NCBP3: variants seen among roughly 807,000 people sequenced by gnomAD.
NCBP3 encodes the protein nuclear cap-binding protein subunit 3.
In NCBP3, 20 loss-of-function variants were observed where a neutral mutation model predicts 75.7. The observed-to-expected ratio is 0.26, with a 90% CI of 0.19 to 0.38. The LOEUF (loss-of-function observed/expected upper bound fraction) is 0.38, where lower values mean the gene tolerates loss of function less well. Among genes scored for constraint, NCBP3 ranks in the 10% least tolerant of loss-of-function variants. The pLI is 1.00. For synonymous variants in NCBP3, 293 were observed against 290.5 expected (o/e 1.01, Z -0.09); for missense variants, 678 against 796.9 (o/e 0.85, Z 1.80).
intron 1 of NCBP3, among the ~76,000 whole-genome samples, chr17:3,843,449 G>C (rs2054103002): frequency 6.6e-6 from 1 of 152,070 alleles, no homozygotes; most frequent in Non-Finnish European, 1.5e-5. Flanking sequence ...GCCCAGGCTG[G>C]TCACCAACTC....
rs1314518053 is a variant in NCBP3, at chr17:3,832,085, G to A, written c.356-2717C>T. Among the ~76,000 whole-genome samples, 4 of 117,370 alleles carry A rather than the reference G, an allele frequency of 3.4e-5. 1 individual carries two copies. The highest frequency in any genetic ancestry group is 6.1e-5 in the Non-Finnish European group (3 of 48,846). The allele number at this position is 117,370 out of a possible 152,430, so 77.0% of individuals were successfully genotyped here. On this transcript the variant is annotated intron_variant, in intron 3 of 12. Transcript: ENST00000389005. ...TGTAATCCCAGCTACTTGGGAGGCT[G>A]AGGCAGGATAATCACTCGAACCTGG... is the stretch of plus-strand genomic sequence containing the variant.
Position 3,805,092 on chromosome 17 carries a change from G to A in NCBP3, c.*7952C>T, listed in dbSNP as rs1436462926. 1.3e-5 allele frequency: 2 copies of A among 152,172 alleles called. No individual in the cohort carries two copies. The highest frequency in any genetic ancestry group is 2.9e-5 in the Non-Finnish European group (2 of 68,132). The allele number at this position is 152,172 out of a possible 1,614,324, so 9.4% of individuals were successfully genotyped here. On this transcript the variant is annotated 3_prime_UTR_variant, in exon 13 of 13. Coordinates refer to ENST00000389005, the MANE Select transcript of NCBP3 (RefSeq NM_001114118.3). The stretch of plus-strand genomic sequence containing the variant: ...AGCGATTCTCCTGCCTCAGCCTCCC[G>A]AGTAGCTGGGACTACAGGTGCCCGC...
In NCBP3 at chr17:3,809,739, T is replaced by C. The variant is rs1234557096; in HGVS notation, c.*3305A>G. Reference sequence around the variant, plus strand: ...AATAATAGAAATAGAAATATATATATATAGCCCTAAAGTAGAAACAACTCA... The same window carrying C: ...AATAATAGAAATAGAAATATATATACATAGCCCTAAAGTAGAAACAACTCA... On this transcript the variant is annotated 3_prime_UTR_variant, in exon 13 of 13. Coordinates refer to ENST00000389005, the MANE Select transcript of NCBP3 (RefSeq NM_001114118.3). 3 of 151,796 alleles carry C rather than the reference T, an allele frequency of 2.0e-5. No homozygotes were observed. Among genetic ancestry groups the C allele is most frequent in the Non-Finnish European group, 2.9e-5 (2 of 67,978 alleles). 9.4% of individuals were successfully genotyped at this position (151,796 alleles called of 1,614,324 possible).
Position 3,813,421 on chromosome 17 carries a change from G to T in NCBP3, c.1628-142C>A, listed in dbSNP as rs187474200. On this transcript the variant is annotated intron_variant, in intron 12 of 12. Coordinates refer to ENST00000389005, the MANE Select transcript of NCBP3 (RefSeq NM_001114118.3). ...GCCTGCCACCACAGTGCAGCCTTGGGCAGGCAAAATCTCATTTCCCGGGCC... is the reference window on the plus strand; with the variant it reads ...GCCTGCCACCACAGTGCAGCCTTGGTCAGGCAAAATCTCATTTCCCGGGCC... The T allele has an allele frequency of 1.1e-4, 117 of 1,066,984 alleles. No individual in the cohort carries two copies. In the African/African-American group the frequency reaches 1.5e-3, roughly 14 times the overall value. The allele number at this position is 1,066,984 out of a possible 1,614,324, so 66.1% of individuals were successfully genotyped here.
chr17:3,845,939 G>A, intron 1 of NCBP3, 102 bp downstream of exon 1: 1 of 1,341,068 alleles, frequency 7.5e-7, no homozygotes. Flanking sequence ...CCGCTCCCTT[G>A]ACTTCCCCGG....
chr17:3,814,462 T>C lies in NCBP3; in HGVS notation c.1487A>G (p.Lys496Arg). The change falls in exon 12 of 13, where the codon AAA (lysine) becomes AGA (arginine). Residue 496 changes from lysine to arginine, a missense_variant. Lys to Arg is a conservative substitution (Grantham distance 26). Transcript: ENST00000389005. ...TKSDIRQRLG[K>R]RPHSPEKAFS... ...AGCCTTTTCCGGAGAATGTGGTCTT[T>C]TTCCTAACCGCTGGCGTATATCTGA... The C allele has an allele frequency of 6.2e-7, 1 of 1,614,210 alleles. No individual in the cohort carries two copies. The highest frequency in any genetic ancestry group is 8.5e-7 in the Non-Finnish European group (1 of 1,180,042).
chr17:3,844,863 G>A (rs1371763269), intron 1 of NCBP3, among the ~76,000 whole-genome samples: 2 of 152,228 alleles, frequency 1.3e-5, no homozygotes, highest in Non-Finnish European at 2.9e-5. Flanking sequence ...GAACCCGGGA[G>A]GCGGAAGTTG....
chr17:3,846,023 C>T lies in NCBP3; in HGVS notation c.183+18G>A, dbSNP rs749702089. The T allele has an allele frequency of 2.3e-5, 35 of 1,545,180 alleles. No individual in the cohort carries two copies. The highest frequency in any genetic ancestry group is 3.0e-5 in the Non-Finnish European group (34 of 1,144,172). ...TAGCCCCGCGACCTCTTCCTTACCCCCCGACCCCCGCCCGTACCGGGATCA... is the reference window on the plus strand; with the variant it reads ...TAGCCCCGCGACCTCTTCCTTACCCTCCGACCCCCGCCCGTACCGGGATCA... On this transcript the variant is annotated intron_variant, in intron 1 of 12. Transcript: ENST00000389005. The surrounding 1 kb of genome is among the most constrained non-coding windows in gnomAD (Gnocchi z 4.6).
rs2053486354 is a variant in NCBP3, at chr17:3,814,369, C to T, written c.1580G>A (p.Arg527Lys). 2.5e-6 allele frequency: 4 copies of T among 1,614,216 alleles called. No homozygotes were observed. The highest frequency in any genetic ancestry group is 3.4e-6 in the Non-Finnish European group (4 of 1,180,026). Residue 527 changes from arginine to lysine, a missense_variant, in exon 12 of 13, where the codon AGG (arginine) becomes AAG (lysine). Arg to Lys is a conservative substitution (Grantham distance 26). This residue lies in a region of NCBP3 where 365 missense variants were observed against 392.7 expected (regional missense o/e 0.93). Coordinates refer to ENST00000389005, the MANE Select transcript of NCBP3 (RefSeq NM_001114118.3). ...SDVHSRLGVP[R>K]QDSKGLYADT... ...GGCGTAGAGGCCTTTACTATCCTGC[C>T]TGGGAACACCTAGCCTACTATGCAC...
intron 8 of NCBP3, 87 bp from the exon 9 acceptor site, chr17:3,821,439 T>G: frequency 1.9e-6 from 2 of 1,077,138 alleles, no homozygotes; most frequent in South Asian, 2.7e-5. Flanking sequence ...TCTTTTTTTT[T>G]TGTGATGGAG....
chr17:3,837,057 G>A (rs1159453158), intron 3 of NCBP3, among the ~76,000 whole-genome samples: 6 of 151,242 alleles, frequency 4.0e-5, no homozygotes, highest in African/African-American at 1.5e-4. Context: ...CTGAGGCAGG[G>A]GAATCACTTG....
intron 3 of NCBP3, among the ~76,000 whole-genome samples, chr17:3,830,808 C>A (rs1483239444): frequency 1.3e-4 from 20 of 151,990 alleles, no homozygotes; most frequent in Non-Finnish European, 2.9e-4. Context: ...TGGTCTCCAT[C>A]CCTTGCCCTC....
At position 3,833,647 on chromosome 17, in the gene NCBP3, T is replaced by A. The variant is rs542758087; in HGVS notation, c.356-4279A>T. On this transcript the variant is annotated intron_variant, in intron 3 of 12. Coordinates refer to ENST00000389005, the MANE Select transcript of NCBP3 (RefSeq NM_001114118.3). ...CACAGTGAGACCTTCTCTATTTTTT[T>A]TAAAAAAAAAGACATCTGAGGCCAG... Among the ~76,000 whole-genome samples, 204 of 145,352 alleles carry A rather than the reference T, an allele frequency of 1.4e-3. 1 individual carries two copies. The highest frequency in any genetic ancestry group is 0.013 in the South Asian group (61 of 4,706).
rs1425631216 is a variant in NCBP3 at position 3,810,241 on chromosome 17, C to G, written c.*2803G>C. 1 of 152,272 alleles carries G rather than the reference C, an allele frequency of 6.6e-6. No individual in the cohort carries two copies. The highest frequency in any genetic ancestry group is 1.5e-5 in the Non-Finnish European group (1 of 68,082). 9.4% of individuals were successfully genotyped at this position (152,272 alleles called of 1,614,324 possible). A position where few individuals can be genotyped will look rare whatever the true frequency, so the allele number is the denominator to read the frequency against. On this transcript the variant is annotated 3_prime_UTR_variant, in exon 13 of 13. Coordinates refer to ENST00000389005, the MANE Select transcript of NCBP3 (RefSeq NM_001114118.3). ...GACAGGGCAGAGACCAGTGAAGAGG[C>G]TGCTGTACAAATGCAGCTGGAAAGG...
intron 3 of NCBP3, 29 bp from the exon 4 acceptor site, chr17:3,829,397 T>A (rs779710337): frequency 2.6e-6 from 4 of 1,549,140 alleles, no homozygotes; most frequent in Non-Finnish European, 2.6e-6. Context: ...GAAAAGATGA[T>A]AGAATTTTCC....
chr17:3,824,395 C>T (rs1406146105), intron 7 of NCBP3: 2 of 151,778 alleles, frequency 1.3e-5, no homozygotes, highest in Non-Finnish European at 2.9e-5. Flanking sequence ...TACATACACA[C>T]ACATACATAT....
At position 3,818,500 on chromosome 17, in the gene NCBP3, T is replaced by C; in HGVS notation, c.1073A>G (p.Glu358Gly). 6.2e-7 allele frequency: 1 copy of C among 1,612,516 alleles called. No individual in the cohort carries two copies. The highest frequency in any genetic ancestry group is 8.5e-7 in the Non-Finnish European group (1 of 1,179,834). The change falls in exon 10 of 13, where the codon GAA becomes GGA. Residue 358 changes from glutamate to glycine, a missense_variant. Glu to Gly is a moderately conservative substitution (Grantham distance 98, BLOSUM62 -2). This residue lies in a region of NCBP3 where 365 missense variants were observed against 392.7 expected (regional missense o/e 0.93). Coordinates refer to ENST00000389005, the MANE Select transcript of NCBP3 (RefSeq NM_001114118.3). This position sits in a 1 kb window ranked among gnomAD's most constrained non-coding sequence, Gnocchi z 4.7. ...EEEEEEEEEE[E>G]EDQDMDADDR... is the part of the protein sequence containing the mutation. ...ATCTGCATCCATGTCCTGGTCTTCT[T>C]CTTCCTCTTCCTCTTCCTCCTCCTC... is the stretch of plus-strand genomic sequence containing the variant.
In NCBP3 at chr17:3,821,848, G is replaced by T. The variant is rs992557552; in HGVS notation, c.896+105C>A. The stretch of plus-strand genomic sequence containing the variant: ...TAAGAATCTTGAATTCTTCCCTCTT[G>T]TTTTCCTTCCAGTTTACACAGGGTT... On this transcript the variant is annotated intron_variant, in intron 8 of 12. Coordinates refer to ENST00000389005, the MANE Select transcript of NCBP3 (RefSeq NM_001114118.3). The T allele has an allele frequency of 1.5e-5, 11 of 713,488 alleles. 1 individual carries two copies. In the South Asian group the frequency reaches 2.0e-4, roughly 13 times the overall value. 44.2% of individuals were successfully genotyped at this position (713,488 alleles called of 1,614,324 possible).
At chr17:3,836,367 G>A (rs977430306) in intron 3 of NCBP3, among the ~76,000 whole-genome samples, 4 of 152,164 alleles carry the variant, frequency 2.6e-5, no homozygotes, top group Non-Finnish European at 5.9e-5. Flanking sequence ...AAGAATTCCT[G>A]TCATTGGCCG....
Sources: gnomAD v4.1 joint callset for allele counts (sites outside exome capture counted in the v4.1 genomes callset) on GRCh38, gnomAD v4.1.1 for gene constraint, gnomAD v4.1.1 regional missense constraint, Gnocchi (gnomAD v3.1) non-coding constraint, MANE v1.5 for transcripts, NCBI Gene and HGNC (gene_info 2026-07-23, HGNC 2026-07-21) for gene names.